Variants in TMEM45A observed in about 807,000 individuals in gnomAD.
The protein encoded by TMEM45A is DNA polymerase-transactivated protein 4.
In TMEM45A, 25 loss-of-function variants were observed where a neutral mutation model predicts 32.0. The observed-to-expected ratio is 0.78, with a 90% CI of 0.57 to 1.09. The LOEUF (loss-of-function observed/expected upper bound fraction) is 1.09. Ranked by LOEUF, TMEM45A falls within the 50% of genes least tolerant of loss-of-function variation. The pLI, the probability that TMEM45A is intolerant of heterozygous loss-of-function variation, is 0.00. For missense variants in TMEM45A, 302 were observed against 325.0 expected (o/e 0.93, Z 0.54); for synonymous variants, 122 against 114.8 (o/e 1.06, Z -0.40).
chr3:100,554,791 G>A (rs1706179641), intron 1 of TMEM45A, among the ~76,000 whole-genome samples: 1 of 152,180 alleles, frequency 6.6e-6, no homozygotes, highest in African/African-American at 2.4e-5. Context: ...CTGTGGATGT[G>A]AAGAAATCCT....
intron 1 of TMEM45A, among the ~76,000 whole-genome samples, chr3:100,521,237 G>T (rs532429281): frequency 6.6e-6 from 1 of 151,766 alleles, no homozygotes; most frequent in South Asian, 2.1e-4. Flanking sequence ...GATGGGATAC[G>T]GTAGGGTTTA....
intron 3 of TMEM45A, 75 bp from the exon 4 acceptor site, chr3:100,558,330 G>C: frequency 6.4e-7 from 1 of 1,565,030 alleles, no homozygotes; most frequent in Non-Finnish European, 8.7e-7. Flanking sequence ...TTCTGTCTAC[G>C]GAGAGAGGGA....
At chr3:100,506,297 T>C (rs925206031) in intron 1 of TMEM45A, among the ~76,000 whole-genome samples, 5 of 152,326 alleles carry the variant, frequency 3.3e-5, no homozygotes, top group African/African-American at 1.2e-4. Context: ...TGCAAAAGTA[T>C]TAAACTGCAT....
At chr3:100,525,006 T>G (rs1163474539) in intron 1 of TMEM45A, among the ~76,000 whole-genome samples, 3 of 151,916 alleles carry the variant, frequency 2.0e-5, no homozygotes, top group Non-Finnish European at 2.9e-5. Context: ...CTGGGCAACA[T>G]AGTGAGACCT....
At chr3:100,514,257 G>A (rs1428626687) in intron 1 of TMEM45A, among the ~76,000 whole-genome samples, 1 of 152,156 alleles carries the variant, frequency 6.6e-6, no homozygotes, top group Non-Finnish European at 1.5e-5. Context: ...AAAACAGCAT[G>A]GTACCGGTAC....
chr3:100,558,126 C>T (rs1449543362), intron 3 of TMEM45A, among the ~76,000 whole-genome samples: 1 of 152,150 alleles, frequency 6.6e-6, no homozygotes, highest in Non-Finnish European at 1.5e-5. Context: ...ATACAGTTAA[C>T]ACCCTGAGAT....
intron 1 of TMEM45A, among the ~76,000 whole-genome samples, chr3:100,538,069 T>C (rs1705778518): frequency 6.6e-6 from 1 of 152,210 alleles, no homozygotes; most frequent in African/African-American, 2.4e-5. Context: ...GAAAGGTCAA[T>C]AGAGAGTGAG....
intron 1 of TMEM45A, among the ~76,000 whole-genome samples, chr3:100,552,501 C>A (rs1706129440): frequency 6.6e-6 from 1 of 152,152 alleles, no homozygotes; most frequent in Admixed American, 6.5e-5. Flanking sequence ...ATCTCAATTA[C>A]CAATTGTTTT....
At chr3:100,555,108 T>C in intron 1 of TMEM45A, 101 bp from the exon 2 acceptor site, 1 of 1,064,354 alleles carries the variant, frequency 9.4e-7, no homozygotes, top group Non-Finnish European at 1.4e-6. Context: ...GATGTATCCA[T>C]AATAATCAGA....
intron 1 of TMEM45A, among the ~76,000 whole-genome samples, chr3:100,536,162 T>G (rs1705736280): frequency 6.6e-6 from 1 of 152,096 alleles, no homozygotes; most frequent in African/African-American, 2.4e-5. Flanking sequence ...CCCCTCACCC[T>G]GCCCCTGCAC....
rs1705729707 is a variant in TMEM45A at position 100,535,792 on chromosome 3, A to C, written c.-3-19417A>C. On this transcript the variant is annotated intron_variant, in intron 1 of 5. Coordinates refer to ENST00000323523, the MANE Select transcript of TMEM45A (RefSeq NM_018004.3). ...GAAAGTTTTCTCATGGGAATTGTGCAAACTTCATTTTTTCCAAATGATGTT... is the reference window on the plus strand; with the variant it reads ...GAAAGTTTTCTCATGGGAATTGTGCCAACTTCATTTTTTCCAAATGATGTT... Among the ~76,000 whole-genome samples the C allele has an allele frequency of 2.0e-5, 3 of 152,236 alleles. No individual in the cohort carries two copies. The South Asian group carries it at 6.2e-4, about 32-fold the overall frequency.
At chr3:100,519,473 C>T in intron 1 of TMEM45A, 1 of 1,261,804 alleles carries the variant, frequency 7.9e-7, no homozygotes. Context: ...AACTTTTCAG[C>T]ATTACCTAAG....
intron 1 of TMEM45A, among the ~76,000 whole-genome samples, chr3:100,511,080 C>G (rs1262713390): frequency 2.6e-5 from 4 of 152,164 alleles, no homozygotes; most frequent in Non-Finnish European, 4.4e-5. Flanking sequence ...CTTCCCCAAT[C>G]TAGCAAGGCA....
At chr3:100,530,298 G>T (rs898198631) in intron 1 of TMEM45A, among the ~76,000 whole-genome samples, 1 of 152,134 alleles carries the variant, frequency 6.6e-6, no homozygotes, top group African/African-American at 2.4e-5. Context: ...AAATCTGCTG[G>T]CCTGGAGCTG....
At chr3:100,575,397 G>T (rs1706662744) in intron 5 of TMEM45A, among the ~76,000 whole-genome samples, 2 of 120,440 alleles carry the variant, frequency 1.7e-5, no homozygotes, top group African/African-American at 6.9e-5. Context: ...TTTTGAGATG[G>T]AGACTTGCTC....
chr3:100,568,703 A>C, intron 4 of TMEM45A, 119 bp from the exon 5 acceptor site: 1 of 875,584 alleles, frequency 1.1e-6, no homozygotes, highest in South Asian at 2.0e-5. Context: ...TTTATCTGTT[A>C]CATCTTAGAT....
intron 1 of TMEM45A, chr3:100,519,511 A>G (rs1705390662): frequency 3.9e-6 from 6 of 1,541,622 alleles, no homozygotes; most frequent in Non-Finnish European, 8.8e-7. Context: ...TGGCTGCTTC[A>G]TTCTTATCTC....
chr3:100,516,746 C>A (rs965244558), intron 1 of TMEM45A, among the ~76,000 whole-genome samples: 2 of 152,110 alleles, frequency 1.3e-5, no homozygotes, highest in Admixed American at 1.3e-4. Context: ...AATTTATATA[C>A]CACCTTACGG....
Position 100,555,409 on chromosome 3 carries a change from G to T in TMEM45A, c.190+8G>T. On this transcript the variant is annotated splice_region_variant and intron_variant, in intron 2 of 5. Coordinates refer to ENST00000323523, the MANE Select transcript of TMEM45A (RefSeq NM_018004.3). The stretch of plus-strand genomic sequence containing the variant: ...TTGGCATGGCTTTAACTGGTGAGTG[G>T]ACCATTCTGTGTTCTATTTTTACCT... 6.2e-7 allele frequency: 1 copy of T among 1,609,970 alleles called. No individual in the cohort carries two copies. Among genetic ancestry groups the T allele is most frequent in the Non-Finnish European group, 8.5e-7 (1 of 1,177,764 alleles).
Sources: allele counts gnomAD v4.1 joint callset (sites outside exome capture counted in the v4.1 genomes callset), GRCh38; gene constraint gnomAD v4.1.1; transcripts MANE v1.5; gene names NCBI Gene and HGNC (gene_info 2026-07-23, HGNC 2026-07-21).